TAF2: variants seen among roughly 807,000 people sequenced by gnomAD.
TAF2 encodes TATA-box binding protein associated factor 2.
Under a neutral mutation model 138.5 loss-of-function variants are expected in TAF2, and 61 were observed. The ratio of observed to expected loss-of-function variants is 0.44; its 90% CI spans 0.36 to 0.54. The LOEUF (loss-of-function observed/expected upper bound fraction) is 0.54. TAF2 is among the 20% of genes least tolerant of loss of function. The pLI, the probability that TAF2 is intolerant of heterozygous loss-of-function variation, is 0.00. For synonymous variants in TAF2, 475 were observed against 469.9 expected, an observed-to-expected ratio of 1.01 and a Z score of -0.14; for missense variants, 1,090 against 1,427.9, an observed-to-expected ratio of 0.76 and a Z score of 3.81.
At chr8:119,755,133 A>G in intron 22 of TAF2, among the ~76,000 whole-genome samples, 1 of 152,228 alleles carries the variant, frequency 6.6e-6, no homozygotes, top group East Asian at 1.9e-4. Flanking sequence ...CTAAGATTCA[A>G]CCCTTAGCAA....
intron 5 of TAF2, among the ~76,000 whole-genome samples, chr8:119,802,322 C>T (rs1323649476): frequency 6.6e-6 from 1 of 152,038 alleles, no homozygotes; most frequent in Admixed American, 6.6e-5. Flanking sequence ...AACTTGTATC[C>T]GCATATTAGT....
chr8:119,817,833 T>C (rs998840460), intron 3 of TAF2, among the ~76,000 whole-genome samples: 3 of 152,232 alleles, frequency 2.0e-5, no homozygotes, highest in Non-Finnish European at 4.4e-5. Flanking sequence ...AGGTGACCTT[T>C]CCATTTATTA....
rs1047418007 is a variant in TAF2, at chr8:119,731,019, T to C, written c.*905A>G. 6.6e-6 allele frequency: 1 copy of C among 152,176 alleles called. No individual in the cohort carries two copies. Among genetic ancestry groups the C allele is most frequent in the Admixed American group, 6.5e-5 (1 of 15,278 alleles). 9.4% of individuals were successfully genotyped at this position (152,176 alleles called of 1,614,324 possible). On this transcript the variant is annotated 3_prime_UTR_variant, in exon 26 of 26. Coordinates refer to ENST00000378164, the MANE Select transcript of TAF2 (RefSeq NM_003184.4). ...AAATGCTTATGGTATGAGAGCCAAA[T>C]TGTCTATTTCCAGGTTAATAAACAA... is the stretch of plus-strand genomic sequence containing the variant.
intron 2 of TAF2, among the ~76,000 whole-genome samples, chr8:119,827,524 T>C (rs1456200915): frequency 1.1e-4 from 17 of 152,240 alleles, no homozygotes; most frequent in Admixed American, 9.8e-4. Flanking sequence ...TTTAAACTTA[T>C]GCATTTTATC....
chr8:119,755,276 G>C (rs1820621306), intron 22 of TAF2, among the ~76,000 whole-genome samples: 1 of 152,152 alleles, frequency 6.6e-6, no homozygotes, highest in Admixed American at 6.5e-5. Context: ...GAAGGCCAAG[G>C]CGGGTGGATC....
At chr8:119,824,439 A>T (rs1447400016) in intron 2 of TAF2, among the ~76,000 whole-genome samples, 1 of 152,026 alleles carries the variant, frequency 6.6e-6, no homozygotes, top group African/African-American at 2.4e-5. Context: ...AAAAAAAAAA[A>T]AAAAGAAAAA....
chr8:119,802,568 A>G lies in TAF2; in HGVS notation c.561-543T>C, dbSNP rs115794447. The stretch of plus-strand genomic sequence containing the variant: ...TGACAGGGTAGGTACTTAGTATTGA[A>G]GCACAAAAGTGTGTAAGACATTATC... On this transcript the variant is annotated intron_variant, in intron 5 of 25. Transcript: ENST00000378164. Among the ~76,000 whole-genome samples, 1,379 of 152,320 alleles carry G rather than the reference A, an allele frequency of 9.1e-3. 20 individuals carry two copies. Among genetic ancestry groups the G allele is most frequent in the African/African-American group, 0.032 (1,315 of 41,564 alleles).
At chr8:119,770,034 G>A (rs1223039845) in intron 18 of TAF2, among the ~76,000 whole-genome samples, 2 of 150,850 alleles carry the variant, frequency 1.3e-5, no homozygotes, top group South Asian at 2.1e-4. Flanking sequence ...TGGGATTACC[G>A]GTGTAAGCCA....
intron 11 of TAF2, among the ~76,000 whole-genome samples, chr8:119,790,224 C>T (rs1019735155): frequency 6.6e-6 from 1 of 151,934 alleles, no homozygotes. Flanking sequence ...TAGCTTGAGC[C>T]CAGGAGTTTG....
rs1821331133 is a variant in TAF2, at chr8:119,765,122, T to TAAATTAAATACTTCCTA, written c.2365-2531_2365-2515dup. Among the ~76,000 whole-genome samples, 10 of 152,288 alleles carry TAAATTAAATACTTCCTA rather than the reference T, an allele frequency of 6.6e-5. No individual in the cohort carries two copies. The South Asian group carries it at 2.1e-3, about 32-fold the overall frequency. On this transcript the variant is annotated intron_variant, in intron 18 of 25. Coordinates refer to ENST00000378164, the MANE Select transcript of TAF2 (RefSeq NM_003184.4). Reference sequence around the variant, plus strand: ...CTGCGGGCTTTGTGATTAAAGGAGATAAATTAAATACTTCCTAAATAGTAG... The same window carrying TAAATTAAATACTTCCTA: ...CTGCGGGCTTTGTGATTAAAGGAGATAAATTAAATACTTCCTAAAATTAAATACTTCCTAAATAGTAG...
intron 11 of TAF2, 33 bp from the exon 12 acceptor site, chr8:119,789,779 T>A (rs1472351404): frequency 6.3e-7 from 1 of 1,595,820 alleles, no homozygotes; most frequent in Middle Eastern, 1.7e-4. Flanking sequence ...TAAATTCATA[T>A]AACAGATTCT....
intron 22 of TAF2, among the ~76,000 whole-genome samples, chr8:119,754,252 G>C (rs777492082): frequency 6.6e-6 from 1 of 151,978 alleles, no homozygotes; most frequent in African/African-American, 2.4e-5. Flanking sequence ...CTCAATATTA[G>C]TGAACTAAGT....
At chr8:119,788,753 G>T in intron 13 of TAF2, 37 bp downstream of exon 13, 1 of 1,381,092 alleles carries the variant, frequency 7.2e-7, no homozygotes, top group Non-Finnish European at 1.0e-6. Context: ...AAACTGAGGA[G>T]ATAGCAGTAC....
chr8:119,788,524 T>C, intron 13 of TAF2, 77 bp from the exon 14 acceptor site: 2 of 1,006,806 alleles, frequency 2.0e-6, no homozygotes, highest in Non-Finnish European at 2.9e-6. Flanking sequence ...TACAGAGAAA[T>C]ATAAATCAAG....
chr8:119,827,015 A>G (rs1336343015), intron 2 of TAF2, among the ~76,000 whole-genome samples: 2 of 152,106 alleles, frequency 1.3e-5, no homozygotes, highest in Non-Finnish European at 2.9e-5. Context: ...GCAACATGGC[A>G]AAACTCCGTC....
intron 17 of TAF2, among the ~76,000 whole-genome samples, chr8:119,778,725 G>C (rs1433962194): frequency 3.9e-5 from 6 of 152,060 alleles, no homozygotes; most frequent in African/African-American, 9.7e-5. Context: ...GGACAAAATG[G>C]TAAATTATCT....
rs117009305 is a variant in TAF2 at position 119,768,253 on chromosome 8, C to T, written c.2365-5645G>A. The stretch of plus-strand genomic sequence containing the variant: ...ACTCAGCTGTTACTGCCTGAGGCTT[C>T]CCATACACCATCGAGCAGGCCATTT... On this transcript the variant is annotated intron_variant, in intron 18 of 25. Transcript: ENST00000378164. Among the ~76,000 whole-genome samples the T allele has an allele frequency of 8.2e-3, 1,247 of 152,306 alleles. 15 individuals carry two copies. The highest frequency in any genetic ancestry group is 0.011 in the Non-Finnish European group (716 of 68,026).
intron 5 of TAF2, 57 bp from the exon 6 acceptor site, chr8:119,802,082 TC>T: frequency 1.5e-6 from 2 of 1,367,052 alleles, no homozygotes; most frequent in Non-Finnish European, 2.0e-6. Context: ...TACATTGTTT[TC>T]CCCACATGCA....
chr8:119,755,102 C>G (rs921330500), intron 22 of TAF2, among the ~76,000 whole-genome samples: 1 of 152,202 alleles, frequency 6.6e-6, no homozygotes, highest in African/African-American at 2.4e-5. Flanking sequence ...AGACAAATCA[C>G]ACATTAAGTA....
Sources: gnomAD v4.1 joint callset for allele counts (sites outside exome capture counted in the v4.1 genomes callset) on GRCh38, gnomAD v4.1.1 for gene constraint, MANE v1.5 for transcripts, NCBI Gene and HGNC (gene_info 2026-07-23, HGNC 2026-07-21) for gene names.